CACNB2: variants seen among roughly 807,000 people sequenced by gnomAD.
CACNB2 encodes calcium voltage-gated channel auxiliary subunit beta 2, also known as voltage-dependent L-type calcium channel subunit beta-2.
CACNB2 carries 42 observed loss-of-function variants against 73.3 expected under a neutral mutation model. The ratio of observed to expected loss-of-function variants is 0.57; its 90% confidence interval spans 0.45 to 0.74. CACNB2 has a LOEUF of 0.74. Ranked by LOEUF, CACNB2 falls within the 30% of genes least tolerant of loss-of-function variation. The pLI is 0.00. For synonymous variants in CACNB2, 348 were observed against 310.3 expected, an observed-to-expected ratio of 1.12 and a Z score of -1.28; for missense variants, 940 against 853.0, an observed-to-expected ratio of 1.10 and a Z score of -1.27.
At chr10:18,255,980 T>C (rs2037270389) in intron 2 of CACNB2, among the ~76,000 whole-genome samples, 1 of 152,182 alleles carries the variant, frequency 6.6e-6, no homozygotes, top group Non-Finnish European at 1.5e-5. Context: ...TCCTAACTAA[T>C]AGTAACATAG....
At chr10:18,535,870 TTG>T (rs1251022387) in intron 11 of CACNB2, among the ~76,000 whole-genome samples, 4 of 152,064 alleles carry the variant, frequency 2.6e-5, no homozygotes, top group Non-Finnish European at 4.4e-5. Flanking sequence ...TTTAAAGAGG[TTG>T]TGAGATAAAA....
intron 3 of CACNB2, among the ~76,000 whole-genome samples, chr10:18,451,498 G>T (rs1049984789): frequency 2.0e-5 from 3 of 152,150 alleles, no homozygotes; most frequent in African/African-American, 7.2e-5. Context: ...ACTAGGTTGC[G>T]ACAGAATTTG....
intron 2 of CACNB2, among the ~76,000 whole-genome samples, chr10:18,299,982 T>C (rs535366791): frequency 6.6e-6 from 1 of 152,174 alleles, no homozygotes; most frequent in Non-Finnish European, 1.5e-5. Flanking sequence ...ACCACTTTCA[T>C]AGGTAGAGCC....
intron 2 of CACNB2, among the ~76,000 whole-genome samples, chr10:18,384,754 CA>C (rs67797223): frequency 3.0e-4 from 43 of 145,602 alleles, no homozygotes; most frequent in Middle Eastern, 3.4e-3. Context: ...AAACAAAAAA[CA>C]AAAAAAACCC....
chr10:18,192,851 A>C (rs1271394391), intron 2 of CACNB2, among the ~76,000 whole-genome samples: 1 of 152,194 alleles, frequency 6.6e-6, no homozygotes, highest in African/African-American at 2.4e-5. Flanking sequence ...TTATAGTATT[A>C]TCATCATAAT....
chr10:18,295,998 GTTTTTT>G (rs34043231), intron 2 of CACNB2, among the ~76,000 whole-genome samples: 57 of 60,760 alleles, frequency 9.4e-4, no homozygotes, highest in Non-Finnish European at 1.4e-3. Flanking sequence ...CTTTTTGCGT[GTTTTTT>G]TTTTTTTTTT....
chr10:18,174,248 CCCTT>C (rs2033435703), intron 2 of CACNB2, among the ~76,000 whole-genome samples: 1 of 122,846 alleles, frequency 8.1e-6, no homozygotes, highest in African/African-American at 4.0e-5. Flanking sequence ...TTCTCCCCTC[CCCTT>C]CCCTTCCCTC....
At chr10:18,345,044 T>C (rs1408955473) in intron 2 of CACNB2, among the ~76,000 whole-genome samples, 1 of 152,246 alleles carries the variant, frequency 6.6e-6, no homozygotes, top group Non-Finnish European at 1.5e-5. Flanking sequence ...CGATCTGCCA[T>C]TGATTGTCCA....
chr10:18,169,516 T>C (rs1487417944), intron 2 of CACNB2, among the ~76,000 whole-genome samples: 1 of 152,218 alleles, frequency 6.6e-6, no homozygotes. Flanking sequence ...ACAGGCATAA[T>C]TGTACGGGAA....
chr10:18,333,894 G>T (rs868791970), intron 2 of CACNB2, among the ~76,000 whole-genome samples: 1 of 151,976 alleles, frequency 6.6e-6, no homozygotes, highest in Admixed American at 6.6e-5. Context: ...TCCTGGCAAC[G>T]TAACATATTT....
intron 3 of CACNB2, among the ~76,000 whole-genome samples, chr10:18,438,280 C>T (rs1345962331): frequency 1.3e-5 from 2 of 151,280 alleles, no homozygotes; most frequent in Non-Finnish European, 2.9e-5. Context: ...CCGCCCGCCT[C>T]GGCCTCCCAA....
At chr10:18,499,758 C>G (rs2050085807) in intron 4 of CACNB2, among the ~76,000 whole-genome samples, 1 of 104,516 alleles carries the variant, frequency 9.6e-6, no homozygotes, top group Non-Finnish European at 2.2e-5. Flanking sequence ...AGGCAGATCT[C>G]TTGAGCCCAG....
intron 6 of CACNB2, among the ~76,000 whole-genome samples, chr10:18,509,569 C>G (rs1202244780): frequency 2.0e-5 from 3 of 152,022 alleles, no homozygotes; most frequent in Non-Finnish European, 4.4e-5. Context: ...GAGGCTGAGG[C>G]AGGAGGATCA....
chr10:18,366,300 C>T (rs1471725524), intron 2 of CACNB2, among the ~76,000 whole-genome samples: 1 of 150,510 alleles, frequency 6.6e-6, no homozygotes, highest in Non-Finnish European at 1.5e-5. Flanking sequence ...CCCGTCTCTA[C>T]TAAAAATACA....
At chr10:18,514,941 G>A (rs1467625555) in intron 7 of CACNB2, 1 of 1,472,204 alleles carries the variant, frequency 6.8e-7, no homozygotes, top group East Asian at 2.3e-5. Flanking sequence ...AAGTATTCAA[G>A]TTTTAATTTA....
At chr10:18,520,021 C>G in intron 9 of CACNB2, 1 of 290,514 alleles carries the variant, frequency 3.4e-6, no homozygotes, top group African/African-American at 2.2e-5. Flanking sequence ...ACTTCCTCAT[C>G]AACTGGAAAT....
chr10:18,152,315 T>C (rs2031630373), intron 2 of CACNB2, among the ~76,000 whole-genome samples: 1 of 152,148 alleles, frequency 6.6e-6, no homozygotes, highest in East Asian at 1.9e-4. Context: ...TTGGGAATTG[T>C]TGTGGTTGCA....
intron 2 of CACNB2, among the ~76,000 whole-genome samples, chr10:18,199,157 T>G (rs1215221355): frequency 1.3e-5 from 2 of 152,160 alleles, no homozygotes; most frequent in Non-Finnish European, 1.5e-5. Flanking sequence ...CATCCAGCTC[T>G]TTGAAAATTA....
intron 2 of CACNB2, among the ~76,000 whole-genome samples, chr10:18,381,125 C>A (rs1369687964): frequency 6.6e-6 from 1 of 151,236 alleles, no homozygotes; most frequent in Admixed American, 6.6e-5. Context: ...AGACACAGGG[C>A]CAGCTGGGGA....
Sources: allele counts gnomAD v4.1 joint callset (sites outside exome capture counted in the v4.1 genomes callset), GRCh38; gene constraint gnomAD v4.1.1; transcripts MANE v1.5; gene names NCBI Gene and HGNC (gene_info 2026-07-23, HGNC 2026-07-21).